SORT1: variants seen among roughly 807,000 people sequenced by gnomAD.
SORT1 encodes the protein sortilin.
A neutral mutation model predicts 101.7 loss-of-function variants in SORT1; 39 were observed. That is an observed-to-expected ratio of 0.38 (90% CI 0.30 to 0.50). The LOEUF (loss-of-function observed/expected upper bound fraction) is 0.50, where lower values mean the gene tolerates loss of function less well. SORT1 is among the 20% of genes least tolerant of loss of function. The probability of loss-of-function intolerance (pLI) is 0.90; values close to 1 mark genes in which losing one functional copy is unlikely to be tolerated. For missense variants in SORT1, 878 were observed against 1,040.4 expected (o/e 0.84, Z 2.15); for synonymous variants, 396 against 393.7 (o/e 1.01, Z -0.07).
chr1:109,332,207 C>T lies in SORT1; in HGVS notation c.1371+4033G>A, dbSNP rs114945613. Reference sequence around the variant, plus strand: ...AAATAACCCTCTTTCTGTGACAACACAGAACAATCCAAACACGTTAATTCA... The same window carrying T: ...AAATAACCCTCTTTCTGTGACAACATAGAACAATCCAAACACGTTAATTCA... On this transcript the variant is annotated intron_variant, in intron 11 of 19. Transcript: ENST00000256637. 9.2e-3 allele frequency among the ~76,000 whole-genome samples: 1,396 copies of T among 152,242 alleles called. 12 individuals are homozygous for T. Among genetic ancestry groups the T allele is most frequent in the Non-Finnish European group, 0.015 (991 of 67,996 alleles).
At chr1:109,394,862 G>A (rs1653105208) in intron 1 of SORT1, among the ~76,000 whole-genome samples, 2 of 152,084 alleles carry the variant, frequency 1.3e-5, no homozygotes, top group Non-Finnish European at 2.9e-5. Context: ...TGTTATGTAG[G>A]AAAAATGATT....
chr1:109,317,731 C>T (rs772291182), intron 16 of SORT1, 122 bp downstream of exon 16: 3 of 716,292 alleles, frequency 4.2e-6, no homozygotes, highest in Non-Finnish European at 7.4e-6. Flanking sequence ...TCCTGCCCCT[C>T]CCCAACCCCG....
chr1:109,336,051 T>C (rs1410803688), intron 11 of SORT1, among the ~76,000 whole-genome samples, 189 bp downstream of exon 11: 1 of 152,208 alleles, frequency 6.6e-6, no homozygotes, highest in Non-Finnish European at 1.5e-5. Flanking sequence ...AAATAATCCA[T>C]AGTATTTTGA....
chr1:109,331,014 C>CA (rs1227478758), intron 11 of SORT1, among the ~76,000 whole-genome samples: 2 of 152,130 alleles, frequency 1.3e-5, no homozygotes, highest in Non-Finnish European at 2.9e-5. Context: ...CTGATGGATT[C>CA]AATGGTGAAT....
chr1:109,314,652 T>C lies in SORT1; in HGVS notation c.2357+20A>G. The stretch of plus-strand genomic sequence containing the variant: ...TCTGGCTTGAACTCAGTACCTTGGA[T>C]TGACTTCTGTGTTCCTTACCTTCCC... On this transcript the variant is annotated intron_variant, in intron 18 of 19. Coordinates refer to ENST00000256637, the MANE Select transcript of SORT1 (RefSeq NM_002959.7). 1 of 1,499,414 alleles carries C rather than the reference T, an allele frequency of 6.7e-7. No individual in the cohort carries two copies. Among genetic ancestry groups the C allele is most frequent in the Non-Finnish European group, 9.3e-7 (1 of 1,075,716 alleles). The allele number at this position is 1,499,414 out of a possible 1,614,324, so 92.9% of individuals were successfully genotyped here.
intron 1 of SORT1, among the ~76,000 whole-genome samples, chr1:109,371,036 T>C (rs1158755645): frequency 6.6e-6 from 1 of 152,256 alleles, no homozygotes; most frequent in Non-Finnish European, 1.5e-5. Context: ...CGTATGTGAT[T>C]TCCCCTCTGG....
At chr1:109,323,164 A>G in intron 14 of SORT1, 43 bp from the exon 15 acceptor site, 1 of 1,473,652 alleles carries the variant, frequency 6.8e-7, no homozygotes, top group East Asian at 2.3e-5. Context: ...ACAGCACAGA[A>G]CCCACCCACG....
chr1:109,326,956 A>G lies in SORT1; in HGVS notation c.1643+36T>C, dbSNP rs201927164. 318 of 1,539,662 alleles carry G rather than the reference A, an allele frequency of 2.1e-4. 1 individual carries two copies. The highest frequency in any genetic ancestry group is 2.6e-4 in the Non-Finnish European group (298 of 1,132,386). On this transcript the variant is annotated intron_variant, in intron 13 of 19. Coordinates refer to ENST00000256637, the MANE Select transcript of SORT1 (RefSeq NM_002959.7). ...AAGAACATTCCCCCAGTTGCCCTCT[A>G]TGCAGACAGTGTGTGTGAGATGAGT...
At chr1:109,332,571 T>C (rs1319025269) in intron 11 of SORT1, among the ~76,000 whole-genome samples, 1 of 151,926 alleles carries the variant, frequency 6.6e-6, no homozygotes, top group African/African-American at 2.4e-5. Context: ...CTTTGCCTCT[T>C]AAAAAAAATT....
chr1:109,311,037 T>C lies in SORT1; in HGVS notation c.*3006A>G, dbSNP rs1055942293. ...CTACGTTCCAGTTACGGCTGATCTA[T>C]GGACTCTCCTGAGCCCGCCCCCAGA... On this transcript the variant is annotated 3_prime_UTR_variant, in exon 20 of 20. Transcript: ENST00000256637. The C allele has an allele frequency of 4.6e-5, 7 of 152,234 alleles. No individual in the cohort carries two copies. Among genetic ancestry groups the C allele is most frequent in the Non-Finnish European group, 8.8e-5 (6 of 68,068 alleles). The allele number at this position is 152,234 out of a possible 1,614,324, so 9.4% of individuals were successfully genotyped here. A position where few individuals can be genotyped will look rare whatever the true frequency, so the allele number is the denominator to read the frequency against.
Position 109,312,924 on chromosome 1 carries a change from G to C in SORT1, c.*1119C>G, listed in dbSNP as rs1184789379. ...ATTACTTGGCAAAGTCAGAAAAAAG[G>C]GGTGAGAAGGAAAGCCTGGTAATAA... is the stretch of plus-strand genomic sequence containing the variant. On this transcript the variant is annotated 3_prime_UTR_variant, in exon 20 of 20. Transcript: ENST00000256637. The C allele has an allele frequency of 6.6e-6, 1 of 152,132 alleles. No homozygotes were observed. Among genetic ancestry groups the C allele is most frequent in the East Asian group, 1.9e-4 (1 of 5,194 alleles). 9.4% of individuals were successfully genotyped at this position (152,132 alleles called of 1,614,324 possible). A position where few individuals can be genotyped will look rare whatever the true frequency, so the allele number is the denominator to read the frequency against.
intron 13 of SORT1, among the ~76,000 whole-genome samples, chr1:109,326,466 CAT>C (rs1354002073): frequency 0.096 from 4,860 of 50,612 alleles, 297 homozygotes; most frequent in African/African-American, 0.17. Flanking sequence ...TATATATATA[CAT>C]ACACACACAC....
intron 13 of SORT1, 40 bp from the exon 14 acceptor site, chr1:109,325,129 A>C (rs925405027): frequency 2.1e-6 from 3 of 1,415,708 alleles, no homozygotes; most frequent in Admixed American, 3.7e-5. Flanking sequence ...CAGAGGATCA[A>C]TGTGTACTGG....
At chr1:109,352,021 C>T (rs2101599578) in intron 5 of SORT1, among the ~76,000 whole-genome samples, 1 of 150,360 alleles carries the variant, frequency 6.7e-6, no homozygotes, top group East Asian at 2.0e-4. Context: ...CGTGCATGCA[C>T]ATGCATGTAA....
intron 3 of SORT1, among the ~76,000 whole-genome samples, chr1:109,365,277 G>T (rs1256195115): frequency 6.6e-6 from 1 of 152,176 alleles, no homozygotes; most frequent in African/African-American, 2.4e-5. Flanking sequence ...AGCCTGGAGT[G>T]CAGTGATGTG....
chr1:109,326,574 C>T (rs113808482), intron 13 of SORT1, among the ~76,000 whole-genome samples: 194 of 144,994 alleles, frequency 1.3e-3, no homozygotes, highest in African/African-American at 4.7e-3. Flanking sequence ...CACACACATA[C>T]ATATATACAC....
At chr1:109,362,198 A>G (rs1650769046) in intron 3 of SORT1, among the ~76,000 whole-genome samples, 2 of 152,232 alleles carry the variant, frequency 1.3e-5, no homozygotes, top group South Asian at 2.1e-4. Context: ...ACAGAAACAC[A>G]CATAAAACAA....
At chr1:109,346,267 C>T (rs1649586445) in intron 7 of SORT1, among the ~76,000 whole-genome samples, 4 of 147,978 alleles carry the variant, frequency 2.7e-5, no homozygotes, top group South Asian at 2.1e-4. Context: ...GGGCAGAGAT[C>T]GCGCCACTGT....
intron 9 of SORT1, among the ~76,000 whole-genome samples, chr1:109,341,184 G>C (rs2101580969): frequency 6.6e-6 from 1 of 152,202 alleles, no homozygotes; most frequent in South Asian, 2.1e-4. Flanking sequence ...CCTATGTTTA[G>C]TTTACATATT....
Sources: gnomAD v4.1 joint callset for allele counts (sites outside exome capture counted in the v4.1 genomes callset) on GRCh38, gnomAD v4.1.1 for gene constraint, MANE v1.5 for transcripts, NCBI Gene and HGNC (gene_info 2026-07-23, HGNC 2026-07-21) for gene names.